Variants in CDH7 observed in about 807,000 individuals in gnomAD.
CDH7 encodes the protein cadherin-7.
Under a neutral mutation model 71.8 loss-of-function variants are expected in CDH7, and 25 were observed. The ratio of observed to expected loss-of-function variants is 0.35; its 90% CI spans 0.25 to 0.49. The LOEUF (loss-of-function observed/expected upper bound fraction) is 0.49, where lower values mean the gene tolerates loss of function less well. Among genes scored for constraint, CDH7 ranks in the 20% least tolerant of loss-of-function variants. CDH7 has a pLI of 0.99. For synonymous variants in CDH7, 381 were observed against 363.8 expected (o/e 1.05, Z -0.54); for missense variants, 862 against 974.6 (o/e 0.88, Z 1.54).
chr18:65,761,247 C>T (rs940388575), intron 1 of CDH7, among the ~76,000 whole-genome samples: 1 of 152,048 alleles, frequency 6.6e-6, no homozygotes, highest in Non-Finnish European at 1.5e-5. Context: ...TTTAACAGTT[C>T]ATTGCCCAAA....
At chr18:65,792,034 G>C (rs1188946740) in intron 2 of CDH7, among the ~76,000 whole-genome samples, 1 of 152,056 alleles carries the variant, frequency 6.6e-6, no homozygotes, top group Non-Finnish European at 1.5e-5. Flanking sequence ...AGACATTAAA[G>C]TTTGAAAACT....
In CDH7 at chr18:65,888,440, T is replaced by C. The variant is rs1469498053; in HGVS notation, c.*7546T>C. On this transcript the variant is annotated 3_prime_UTR_variant, in exon 12 of 12. Transcript: ENST00000397968. The stretch of plus-strand genomic sequence containing the variant: ...TGACACACTACAATGAAGACTTCTG[T>C]TGTCATCATTCTCAGCTGTGATGGT... 1 of 152,150 alleles carries C rather than the reference T, an allele frequency of 6.6e-6. No homozygotes were observed. The highest frequency in any genetic ancestry group is 1.5e-5 in the Non-Finnish European group (1 of 68,022). 9.4% of individuals were successfully genotyped at this position (152,150 alleles called of 1,614,324 possible).
At chr18:65,852,993 T>G (rs1913204142) in intron 7 of CDH7, among the ~76,000 whole-genome samples, 2 of 152,134 alleles carry the variant, frequency 1.3e-5, no homozygotes, top group African/African-American at 4.8e-5. Context: ...AAAGCAGTGT[T>G]CAAAAATTTC....
chr18:65,806,657 CAT>C (rs1491556189), intron 2 of CDH7, among the ~76,000 whole-genome samples: 8 of 141,664 alleles, frequency 5.6e-5, no homozygotes, highest in African/African-American at 2.1e-4. Flanking sequence ...GGTGTCCATG[CAT>C]GTGTGTGTGT....
At chr18:65,852,982 T>C (rs1278676974) in intron 7 of CDH7, among the ~76,000 whole-genome samples, 1 of 152,186 alleles carries the variant, frequency 6.6e-6, no homozygotes, top group Non-Finnish European at 1.5e-5. Flanking sequence ...AAGCCATCTA[T>C]AAAGCAGTGT....
intron 3 of CDH7, among the ~76,000 whole-genome samples, chr18:65,812,302 G>C (rs1318466964): frequency 6.6e-6 from 1 of 151,912 alleles, no homozygotes; most frequent in Non-Finnish European, 1.5e-5. Context: ...TTATATACTT[G>C]GCTGATTCAA....
intron 1 of CDH7, among the ~76,000 whole-genome samples, chr18:65,756,544 G>A (rs1246775585): frequency 1.3e-5 from 2 of 152,216 alleles, no homozygotes; most frequent in Non-Finnish European, 2.9e-5. Flanking sequence ...CTGTGTGTTA[G>A]TGTGTTATAT....
At chr18:65,872,378 T>C (rs2144057203) in intron 11 of CDH7, among the ~76,000 whole-genome samples, 1 of 152,252 alleles carries the variant, frequency 6.6e-6, no homozygotes, top group East Asian at 1.9e-4. Context: ...AAAATAAAAG[T>C]TAATAATATT....
intron 2 of CDH7, among the ~76,000 whole-genome samples, chr18:65,795,669 AAT>A (rs1910885578): frequency 6.6e-6 from 1 of 152,190 alleles, no homozygotes. Flanking sequence ...TACCATTCAT[AAT>A]ATGTCCTTTC....
rs199977503 is a variant in CDH7, at chr18:65,781,864, T to TTC, written c.210+18826_210+18827dup. ...TTTCTTTCTTTCTTTCTTTCTTTCT[T>TTC]TCTCTCTCTCTCTCTGTCTCTCTCT... On this transcript the variant is annotated intron_variant, in intron 2 of 11. Coordinates refer to ENST00000397968, the MANE Select transcript of CDH7 (RefSeq NM_004361.5). 1.2e-3 allele frequency among the ~76,000 whole-genome samples: 63 copies of TTC among 54,608 alleles called. 7 individuals carry two copies. Among genetic ancestry groups the TTC allele is most frequent in the African/African-American group, 4.9e-3 (33 of 6,750 alleles). 35.8% of individuals were successfully genotyped at this position (54,608 alleles called of 152,430 possible). A position where few individuals can be genotyped will look rare whatever the true frequency, so the allele number is the denominator to read the frequency against.
chr18:65,808,449 C>T (rs1911404629), intron 2 of CDH7, among the ~76,000 whole-genome samples: 1 of 152,164 alleles, frequency 6.6e-6, no homozygotes, highest in African/African-American at 2.4e-5. Context: ...AGATAATTCA[C>T]ACTGAAAAAA....
intron 6 of CDH7, among the ~76,000 whole-genome samples, chr18:65,828,157 A>G (rs1019509748): frequency 6.6e-6 from 1 of 151,934 alleles, no homozygotes; most frequent in Non-Finnish European, 1.5e-5. Flanking sequence ...AATTTTTATT[A>G]TCTGTTAATA....
In CDH7 at chr18:65,881,043, T is replaced by G; in HGVS notation, c.*149T>G. ...TTGTAAATATTTCTCCATTTTTAAT[T>G]GTTTAGATTTCTGCCTTGGTGAGGC... On this transcript the variant is annotated 3_prime_UTR_variant, in exon 12 of 12. Coordinates refer to ENST00000397968, the MANE Select transcript of CDH7 (RefSeq NM_004361.5). 1.2e-6 allele frequency: 1 copy of G among 815,208 alleles called. No individual in the cohort carries two copies. The highest frequency in any genetic ancestry group is 1.8e-6 in the Non-Finnish European group (1 of 548,284). 50.5% of individuals were successfully genotyped at this position (815,208 alleles called of 1,614,324 possible). A position where few individuals can be genotyped will look rare whatever the true frequency, so the allele number is the denominator to read the frequency against.
At chr18:65,790,552 A>G (rs1176585781) in intron 2 of CDH7, among the ~76,000 whole-genome samples, 1 of 152,182 alleles carries the variant, frequency 6.6e-6, no homozygotes, top group Non-Finnish European at 1.5e-5. Flanking sequence ...AAGTAGTCTT[A>G]GTAGTCTTTA....
intron 2 of CDH7, among the ~76,000 whole-genome samples, chr18:65,798,195 G>A (rs1454278229): frequency 6.6e-6 from 1 of 151,898 alleles, no homozygotes; most frequent in Non-Finnish European, 1.5e-5. Flanking sequence ...ACAGTGTGAA[G>A]TTTCCATAAA....
intron 2 of CDH7, among the ~76,000 whole-genome samples, chr18:65,773,089 G>T (rs1193556672): frequency 1.3e-5 from 2 of 152,028 alleles, no homozygotes; most frequent in Non-Finnish European, 2.9e-5. Context: ...TGCTCAACCA[G>T]AGCTAAGGCA....
intron 2 of CDH7, among the ~76,000 whole-genome samples, chr18:65,801,062 CA>C (rs1911104501): frequency 6.6e-6 from 1 of 152,136 alleles, no homozygotes; most frequent in Non-Finnish European, 1.5e-5. Flanking sequence ...ATTATTTGTT[CA>C]ACTTTCTACA....
At position 65,862,656 on chromosome 18, in the gene CDH7, G is replaced by A. The variant is rs776405842; in HGVS notation, c.1613-10G>A. 19 of 1,611,874 alleles carry A rather than the reference G, an allele frequency of 1.2e-5. No homozygotes were observed. Among genetic ancestry groups the A allele is most frequent in the African/African-American group, 5.3e-5 (4 of 74,898 alleles). ...AATCTGGTGTTATACATTTGCTTTC[G>A]TTATCCTAGACAACACAGCCTCAAT... On this transcript the variant is annotated splice_polypyrimidine_tract_variant and intron_variant, in intron 10 of 11. Coordinates refer to ENST00000397968, the MANE Select transcript of CDH7 (RefSeq NM_004361.5).
intron 6 of CDH7, among the ~76,000 whole-genome samples, chr18:65,832,349 T>G (rs892703325): frequency 6.6e-6 from 1 of 152,068 alleles, no homozygotes; most frequent in Non-Finnish European, 1.5e-5. Flanking sequence ...AAAATCCTTT[T>G]TAAAATATAT....
Sources: gnomAD v4.1 joint callset for allele counts (sites outside exome capture counted in the v4.1 genomes callset) on GRCh38, gnomAD v4.1.1 for gene constraint, MANE v1.5 for transcripts, NCBI Gene and HGNC (gene_info 2026-07-23, HGNC 2026-07-21) for gene names.